The following ADGRG6 variants were observed in gnomAD, a reference collection of about 807,000 sequenced individuals.
ADGRG6 encodes adhesion G protein-coupled receptor G6.
Under a neutral mutation model 142.4 loss-of-function variants are expected in ADGRG6, and 84 were observed. The observed-to-expected ratio is 0.59, with a 90% CI of 0.49 to 0.71. The LOEUF is 0.71. Ranked by LOEUF, ADGRG6 falls within the 30% of genes least tolerant of loss-of-function variation. The pLI, the probability that ADGRG6 is intolerant of heterozygous loss-of-function variation, is 0.00. For missense variants in ADGRG6, 1,367 were observed against 1,466.6 expected (o/e 0.93, Z 1.11); for synonymous variants, 521 against 520.5 (o/e 1.00, Z -0.01).
chr6:142,381,774 C>G (rs951255515), intron 4 of ADGRG6, among the ~76,000 whole-genome samples, 177 bp from the exon 5 acceptor site: 1 of 152,124 alleles, frequency 6.6e-6, no homozygotes, highest in Admixed American at 6.5e-5. Flanking sequence ...AATATCAATA[C>G]TTTGGTTTTA....
intron 2 of ADGRG6, among the ~76,000 whole-genome samples, chr6:142,360,508 T>C (rs912574520): frequency 6.6e-6 from 1 of 152,134 alleles, no homozygotes; most frequent in Admixed American, 6.6e-5. Flanking sequence ...ATAAGAATTA[T>C]TGTCATATAA....
intron 2 of ADGRG6, among the ~76,000 whole-genome samples, chr6:142,339,482 A>G (rs562159296): frequency 3.9e-5 from 6 of 152,306 alleles, no homozygotes; most frequent in African/African-American, 1.4e-4. Context: ...GATGTCAAGA[A>G]TGAGTACTGA....
intron 17 of ADGRG6, among the ~76,000 whole-genome samples, chr6:142,410,127 G>T (rs1229230301): frequency 1.3e-5 from 2 of 151,994 alleles, no homozygotes; most frequent in African/African-American, 4.8e-5. Context: ...GAAGAAATAG[G>T]CAGACTTCAC....
At chr6:142,367,037 A>G (rs2114849162) in intron 2 of ADGRG6, among the ~76,000 whole-genome samples, 1 of 152,260 alleles carries the variant, frequency 6.6e-6, no homozygotes, top group East Asian at 1.9e-4. Context: ...AAGATAGCTC[A>G]TTATTTTTTT....
rs1777897113 is a variant in ADGRG6 at position 142,444,633 on chromosome 6, A to G, written c.*1118A>G. The G allele has an allele frequency of 6.6e-6, 1 of 152,172 alleles. No individual in the cohort carries two copies. The highest frequency in any genetic ancestry group is 6.5e-5 in the Admixed American group (1 of 15,268). 9.4% of individuals were successfully genotyped at this position (152,172 alleles called of 1,614,324 possible). On this transcript the variant is annotated 3_prime_UTR_variant, in exon 25 of 25. Coordinates refer to ENST00000367609, the MANE Select transcript of ADGRG6 (RefSeq NM_198569.3). ...TGTGTGTCAGTCCTCTGGTTATAGT[A>G]TATAAGAGCCTGAGGAGGTCTGGCA...
chr6:142,412,033 G>A (rs75697856), intron 18 of ADGRG6, among the ~76,000 whole-genome samples: 2,212 of 152,086 alleles, frequency 0.015, 35 homozygotes, highest in Admixed American at 0.043. Context: ...CTTCTTCCAT[G>A]CCCCTGTTTT....
chr6:142,326,937 T>A (rs1778808152), intron 2 of ADGRG6, among the ~76,000 whole-genome samples: 1 of 152,112 alleles, frequency 6.6e-6, no homozygotes, highest in Admixed American at 6.6e-5. Flanking sequence ...TTGACACAGA[T>A]CATTCTTTCA....
chr6:142,389,338 A>T (rs1345074587), intron 6 of ADGRG6, among the ~76,000 whole-genome samples: 6 of 151,742 alleles, frequency 4.0e-5, no homozygotes. Context: ...TTGTGTGCCT[A>T]TTTTACTTAA....
At chr6:142,426,343 C>T (rs1776943954) in intron 22 of ADGRG6, among the ~76,000 whole-genome samples, 1 of 152,172 alleles carries the variant, frequency 6.6e-6, no homozygotes, top group Admixed American at 6.5e-5. Flanking sequence ...GCTACAGGCC[C>T]AGTGCAAGTC....
chr6:142,402,183 G>T, intron 12 of ADGRG6, 125 bp downstream of exon 12: 1 of 552,576 alleles, frequency 1.8e-6, no homozygotes, highest in South Asian at 2.9e-5. Context: ...AAAGGCAAAT[G>T]ATTGTTTCAC....
intron 4 of ADGRG6, among the ~76,000 whole-genome samples, chr6:142,381,236 A>G (rs1026000984): frequency 7.2e-5 from 11 of 152,230 alleles, no homozygotes; most frequent in Non-Finnish European, 1.3e-4. Context: ...TGCATATTAT[A>G]TATGTGTGTA....
chr6:142,419,026 C>T (rs1246777077), intron 21 of ADGRG6, among the ~76,000 whole-genome samples: 3 of 152,018 alleles, frequency 2.0e-5, no homozygotes, highest in Admixed American at 6.6e-5. Context: ...TTGTAAGCTA[C>T]GTAATTGTGC....
At chr6:142,404,464 A>T (rs1775696355) in intron 14 of ADGRG6, among the ~76,000 whole-genome samples, 1 of 151,772 alleles carries the variant, frequency 6.6e-6, no homozygotes, top group South Asian at 2.1e-4. Flanking sequence ...AACATGGTAA[A>T]CCCTGTTTCT....
intron 13 of ADGRG6, among the ~76,000 whole-genome samples, chr6:142,403,123 T>G (rs1054566733): frequency 5.9e-5 from 9 of 152,072 alleles, no homozygotes; most frequent in African/African-American, 2.2e-4. Context: ...AATTCTAAAT[T>G]TAGTCGACCA....
intron 2 of ADGRG6, among the ~76,000 whole-genome samples, chr6:142,334,979 A>G (rs1298370953): frequency 6.6e-6 from 1 of 152,216 alleles, no homozygotes; most frequent in Admixed American, 6.5e-5. Context: ...AATAGAATGA[A>G]TAAAGGTGAT....
At chr6:142,393,803 C>A in intron 8 of ADGRG6, 93 bp from the exon 9 acceptor site, 2 of 756,506 alleles carry the variant, frequency 2.6e-6, no homozygotes, top group Non-Finnish European at 2.3e-6. Flanking sequence ...CTTAGAATTC[C>A]CATTCTGTCT....
chr6:142,369,891 A>G (rs1202424507), intron 3 of ADGRG6, among the ~76,000 whole-genome samples: 3 of 152,186 alleles, frequency 2.0e-5, no homozygotes, highest in African/African-American at 7.2e-5. Context: ...TTCAGGATTA[A>G]AAAATACTTA....
At chr6:142,371,189 G>A (rs1380332730) in intron 4 of ADGRG6, among the ~76,000 whole-genome samples, 1 of 151,984 alleles carries the variant, frequency 6.6e-6, no homozygotes. Context: ...TTGAGACAGA[G>A]TCTCACTGTG....
chr6:142,320,618 G>A (rs1010110210), intron 2 of ADGRG6, among the ~76,000 whole-genome samples: 9 of 152,170 alleles, frequency 5.9e-5, no homozygotes, highest in East Asian at 1.9e-4. Flanking sequence ...TGAAAACTGC[G>A]TGCCTGAACT....
Sources: gnomAD v4.1 joint callset for allele counts (sites outside exome capture counted in the v4.1 genomes callset) on GRCh38, gnomAD v4.1.1 for gene constraint, MANE v1.5 for transcripts, NCBI Gene and HGNC (gene_info 2026-07-23, HGNC 2026-07-21) for gene names.